Variants in PARD3 observed in about 807,000 individuals in gnomAD.
PARD3 encodes partitioning defective 3 homolog.
In PARD3, 75 loss-of-function variants were observed where a neutral mutation model predicts 155.4. The observed-to-expected ratio is 0.48, with a 90% CI of 0.40 to 0.58. The LOEUF (loss-of-function observed/expected upper bound fraction) is 0.58. Ranked by LOEUF, PARD3 falls within the 20% of genes least tolerant of loss-of-function variation. PARD3 has a pLI of 0.00. For missense variants in PARD3, 1,642 were observed against 1,721.7 expected (o/e 0.95, Z 0.82); for synonymous variants, 576 against 610.5 (o/e 0.94, Z 0.83).
chr10:34,198,097 C>T (rs1252890476), intron 22 of PARD3, among the ~76,000 whole-genome samples: 1 of 152,156 alleles, frequency 6.6e-6, no homozygotes, highest in Admixed American at 6.5e-5. Flanking sequence ...CACATTGCAG[C>T]TTCTAACATT....
At chr10:34,447,224 G>A (rs1207520244) in intron 5 of PARD3, among the ~76,000 whole-genome samples, 1 of 152,000 alleles carries the variant, frequency 6.6e-6, no homozygotes, top group African/African-American at 2.4e-5. Context: ...GCTCACGCCT[G>A]AGATCAGCAC....
intron 2 of PARD3, among the ~76,000 whole-genome samples, chr10:34,619,049 T>C (rs940909697): frequency 6.6e-6 from 1 of 150,786 alleles, no homozygotes; most frequent in South Asian, 2.1e-4. Flanking sequence ...AAAGCCTTTT[T>C]TTTTTTTCTT....
intron 22 of PARD3, among the ~76,000 whole-genome samples, chr10:34,170,724 C>T (rs2133113972): frequency 6.6e-6 from 1 of 152,272 alleles, no homozygotes; most frequent in South Asian, 2.1e-4. Context: ...TAAAGACATT[C>T]CATGTCACAA....
At chr10:34,165,873 A>T (rs1181952577) in intron 22 of PARD3, among the ~76,000 whole-genome samples, 1 of 152,242 alleles carries the variant, frequency 6.6e-6, no homozygotes, top group Non-Finnish European at 1.5e-5. Context: ...TAAAAAACAC[A>T]ACCATTATTC....
intron 20 of PARD3, among the ~76,000 whole-genome samples, chr10:34,292,728 T>A (rs149409612): frequency 1.3e-5 from 2 of 152,072 alleles, no homozygotes; most frequent in African/African-American, 2.4e-5. Flanking sequence ...TATTATTTTT[T>A]TTTTTAAAGA....
At chr10:34,710,795 T>G (rs2094438845) in intron 1 of PARD3, among the ~76,000 whole-genome samples, 1 of 152,186 alleles carries the variant, frequency 6.6e-6, no homozygotes, top group Admixed American at 6.5e-5. Context: ...TATGTTTTTG[T>G]TTATTCTCTT....
intron 5 of PARD3, among the ~76,000 whole-genome samples, chr10:34,418,048 G>A (rs1247158047): frequency 6.6e-6 from 1 of 152,124 alleles, no homozygotes; most frequent in Non-Finnish European, 1.5e-5. Flanking sequence ...TGAAAAAGGA[G>A]TGTAATTCTA....
chr10:34,483,498 A>AAG lies in PARD3; in HGVS notation c.404-13237_404-13236dup, dbSNP rs1554873697. On this transcript the variant is annotated intron_variant, in intron 3 of 24. Coordinates refer to ENST00000374788, the MANE Select transcript of PARD3 (RefSeq NM_001184785.2). ...CTCTGTCACCAAAAAAAAAAAAAAAAAGAGAGAGAAAAAAAAACAGAAAAA... is the reference window on the plus strand; with the variant it reads ...CTCTGTCACCAAAAAAAAAAAAAAAAAGAGAGAGAGAAAAAAAAACAGAAAAA... 1.8e-3 allele frequency among the ~76,000 whole-genome samples: 249 copies of AAG among 140,778 alleles called. 10 individuals carry two copies. Among genetic ancestry groups the AAG allele is most frequent in the African/African-American group, 1.7e-3 (59 of 34,300 alleles). 92.4% of individuals were successfully genotyped at this position (140,778 alleles called of 152,430 possible).
rs989899329 is a variant in PARD3 at position 34,470,018 on chromosome 10, C to A, written c.582+67G>T. 6.9e-6 allele frequency: 9 copies of A among 1,300,792 alleles called. No homozygotes were observed. In the Admixed American group the frequency reaches 1.2e-4, roughly 17 times the overall value. The allele number at this position is 1,300,792 out of a possible 1,614,324, so 80.6% of individuals were successfully genotyped here. A position where few individuals can be genotyped will look rare whatever the true frequency, so the allele number is the denominator to read the frequency against. ...ATCCAATGGTTTACCCAAGACACGA[C>A]ACTCATCACGGACACCAAGAAGTCA... is the stretch of plus-strand genomic sequence containing the variant. On this transcript the variant is annotated intron_variant, in intron 4 of 24. Coordinates refer to ENST00000374788, the MANE Select transcript of PARD3 (RefSeq NM_001184785.2).
At chr10:34,336,010 T>C (rs921237270) in intron 18 of PARD3, among the ~76,000 whole-genome samples, 189 bp downstream of exon 18, 2 of 152,154 alleles carry the variant, frequency 1.3e-5, no homozygotes, top group African/African-American at 4.8e-5. Context: ...ATTTAGTAAG[T>C]ACACCACTGA....
intron 22 of PARD3, among the ~76,000 whole-genome samples, chr10:34,151,416 G>T (rs1483359745): frequency 1.3e-5 from 2 of 151,178 alleles, no homozygotes; most frequent in Non-Finnish European, 3.0e-5. Context: ...GAGAAGAGAG[G>T]TTTTTTTTTA....
chr10:34,407,387 C>T (rs1019360018), intron 5 of PARD3, among the ~76,000 whole-genome samples: 1 of 152,136 alleles, frequency 6.6e-6, no homozygotes, highest in Admixed American at 6.5e-5. Context: ...GTGCAGGAGC[C>T]ATTCTCTTGG....
chr10:34,538,227 G>A (rs1166623427), intron 2 of PARD3, among the ~76,000 whole-genome samples: 3 of 152,156 alleles, frequency 2.0e-5, no homozygotes, highest in South Asian at 2.1e-4. Flanking sequence ...CTCTGAATTC[G>A]GTAAGTTAGG....
intron 20 of PARD3, among the ~76,000 whole-genome samples, chr10:34,315,863 C>T (rs1957972887): frequency 6.6e-6 from 1 of 152,304 alleles, no homozygotes; most frequent in Non-Finnish European, 1.5e-5. Context: ...AATCTAATCA[C>T]ATTGAAAGAA....
chr10:34,328,863 T>C (rs1193443656), intron 19 of PARD3, among the ~76,000 whole-genome samples: 1 of 152,222 alleles, frequency 6.6e-6, no homozygotes, highest in African/African-American at 2.4e-5. Flanking sequence ...GCCATTCATT[T>C]GCCATATGCA....
chr10:34,796,536 T>C (rs1028042117), intron 1 of PARD3, among the ~76,000 whole-genome samples: 4 of 152,252 alleles, frequency 2.6e-5, no homozygotes, highest in African/African-American at 7.2e-5. Context: ...TACATGGACA[T>C]TACTATCAGA....
At position 34,372,551 on chromosome 10, in the gene PARD3, GA is replaced by G. The variant is rs1228771780; in HGVS notation, c.1669-16del. On this transcript the variant is annotated splice_polypyrimidine_tract_variant and intron_variant, in intron 11 of 24. Transcript: ENST00000374788. ...GGCTCTGCATTCTAGAAGAATTGAA[GA>G]AAAACATAAATACAGACTGACCAAA... The G allele has an allele frequency of 6.3e-7, 1 of 1,594,456 alleles. No homozygotes were observed. The highest frequency in any genetic ancestry group is 1.3e-5 in the African/African-American group (1 of 74,438).
chr10:34,633,404 A>T (rs1320016237), intron 2 of PARD3, among the ~76,000 whole-genome samples: 1 of 146,356 alleles, frequency 6.8e-6, no homozygotes, highest in South Asian at 2.1e-4. Flanking sequence ...CTGTGAGTTT[A>T]ATGGTTTCAG....
chr10:34,320,720 G>C (rs941609017), intron 19 of PARD3, among the ~76,000 whole-genome samples: 7 of 152,112 alleles, frequency 4.6e-5, no homozygotes, highest in African/African-American at 1.7e-4. Context: ...ATTAGCTTCA[G>C]GTTTTGTAAC....
Sources: gnomAD v4.1 joint callset for allele counts (sites outside exome capture counted in the v4.1 genomes callset) on GRCh38, gnomAD v4.1.1 for gene constraint, MANE v1.5 for transcripts, NCBI Gene and HGNC (gene_info 2026-07-23, HGNC 2026-07-21) for gene names.